Variants in KIAA0825 observed in about 807,000 individuals in gnomAD.
The protein encoded by KIAA0825 is uncharacterized protein KIAA0825.
A neutral mutation model predicts 147.6 loss-of-function variants in KIAA0825; 119 were observed. The ratio of observed to expected loss-of-function variants is 0.81; its 90% CI spans 0.69 to 0.94. The LOEUF (loss-of-function observed/expected upper bound fraction) is 0.94, where lower values mean the gene tolerates loss of function less well. Ranked by LOEUF, KIAA0825 falls within the 40% of genes least tolerant of loss-of-function variation. The pLI, the probability that KIAA0825 is intolerant of heterozygous loss-of-function variation, is 0.00. For missense variants in KIAA0825, 1,381 were observed against 1,472.7 expected, an observed-to-expected ratio of 0.94 and a Z score of 1.02; for synonymous variants, 470 against 518.1, an observed-to-expected ratio of 0.91 and a Z score of 1.26.
chr5:94,190,808 A>G (rs1219259352), intron 20 of KIAA0825, among the ~76,000 whole-genome samples: 1 of 152,096 alleles, frequency 6.6e-6, no homozygotes, highest in Non-Finnish European at 1.5e-5. Context: ...TGCAAAGTGA[A>G]GGATAGAACA....
rs867320328 is a variant in KIAA0825, at chr5:94,418,518, C to T, written c.2498-1153G>A. Among the ~76,000 whole-genome samples, 43 of 148,748 alleles carry T rather than the reference C, an allele frequency of 2.9e-4. 1 individual carries two copies. Among genetic ancestry groups the T allele is most frequent in the African/African-American group, 8.2e-4 (33 of 40,276 alleles). ...GATTATTTGGTTCAGGTGAAGCCGA[C>T]ACTATCATCTGGAGTGGGCACATAA... On this transcript the variant is annotated intron_variant, in intron 14 of 20. Transcript: ENST00000682413.
Position 94,537,097 on chromosome 5 carries a change from A to G in KIAA0825, c.30T>C (p.Asn10=), listed in dbSNP as rs573542911. The G allele has an allele frequency of 2.9e-5, 47 of 1,611,814 alleles. No individual in the cohort carries two copies. In the South Asian group the frequency reaches 3.6e-4, roughly 12 times the overall value. Residue 10 remains asparagine, a synonymous_variant, in exon 3 of 21, where the codon AAT becomes AAC. Transcript: ENST00000682413. The part of the protein sequence containing the change: MDWDDEYSH[N]SFDLHCLLNS... ...TTAACAAACAATGTAGGTCAAAAGAATTATGAGAATATTCATCATCCCAAT... is the reference window on the plus strand; with the variant it reads ...TTAACAAACAATGTAGGTCAAAAGAGTTATGAGAATATTCATCATCCCAAT...
At position 94,451,939 on chromosome 5, in the gene KIAA0825, G is replaced by A. The variant is rs889983558; in HGVS notation, c.2357+1020C>T. On this transcript the variant is annotated intron_variant, in intron 13 of 20. Coordinates refer to ENST00000682413, the MANE Select transcript of KIAA0825 (RefSeq NM_001145678.3). ...CTTTTGCAACAATGAGTATTAAGGA[G>A]TTGGCTATTTAATTCGTAATGAAAT... Among the ~76,000 whole-genome samples the A allele has an allele frequency of 2.0e-5, 3 of 152,190 alleles. No homozygotes were observed. In the South Asian group the frequency reaches 6.2e-4, roughly 31 times the overall value.
chr5:94,483,532 T>C (rs1762708584), intron 6 of KIAA0825, among the ~76,000 whole-genome samples: 1 of 151,844 alleles, frequency 6.6e-6, no homozygotes, highest in South Asian at 2.1e-4. Flanking sequence ...AAAGACGTTT[T>C]AAGGGTCCCA....
chr5:94,315,696 TATTA>T (rs1779593532), intron 20 of KIAA0825, among the ~76,000 whole-genome samples: 1 of 151,784 alleles, frequency 6.6e-6, no homozygotes, highest in Non-Finnish European at 1.5e-5. Flanking sequence ...ATTCCAGTTA[TATTA>T]ATTATTATTT....
intron 20 of KIAA0825, among the ~76,000 whole-genome samples, chr5:94,196,712 T>G (rs1030436889): frequency 1.3e-5 from 2 of 152,230 alleles, no homozygotes; most frequent in Admixed American, 6.5e-5. Context: ...AAATTAGAAC[T>G]TGCAGTATTT....
chr5:94,417,299 A>G lies in KIAA0825; in HGVS notation c.2564T>C (p.Ile855Thr). ...TGGAGAAAAACTGCAATGGTACAAT[A>G]TTTTAAAGATGGCTTCCATCAAGCT... is the stretch of plus-strand genomic sequence containing the variant. ...GPSLMEAIFK[I>T]LYHCSFSPQT... Residue 855 changes from isoleucine (I) to threonine (T), a missense_variant, in exon 15 of 21, where the codon ATA becomes ACA. By Grantham distance (89) the Ile-to-Thr change is moderately conservative. Transcript: ENST00000682413. 6.4e-7 allele frequency: 1 copy of G among 1,550,772 alleles called. No homozygotes were observed. The highest frequency in any genetic ancestry group is 8.7e-7 in the Non-Finnish European group (1 of 1,146,296).
At chr5:94,227,198 C>A (rs1774261092) in intron 20 of KIAA0825, among the ~76,000 whole-genome samples, 2 of 152,250 alleles carry the variant, frequency 1.3e-5, no homozygotes, top group Admixed American at 6.5e-5. Context: ...ACATATACAC[C>A]ATGGAATATT....
chr5:94,561,940 A>G (rs1777627935), intron 2 of KIAA0825, among the ~76,000 whole-genome samples: 1 of 152,196 alleles, frequency 6.6e-6, no homozygotes, highest in Non-Finnish European at 1.5e-5. Context: ...GAGTATTATT[A>G]AACAGAAAAA....
At chr5:94,589,841 T>A (rs73773686) in intron 1 of KIAA0825, among the ~76,000 whole-genome samples, 14 of 141,922 alleles carry the variant, frequency 9.9e-5, no homozygotes, top group East Asian at 4.1e-4. Flanking sequence ...TGTCTCACTT[T>A]AAAAAAAAAA....
chr5:94,384,696 T>C lies in KIAA0825; in HGVS notation c.3620-238A>G, dbSNP rs188025388. On this transcript the variant is annotated intron_variant, in intron 19 of 20. Transcript: ENST00000682413. ...ATTATTTATAAAAATATAAATCAAT[T>C]TATTGAGTCGTTATTCTTCCAAGTG... Among the ~76,000 whole-genome samples, 356 of 152,314 alleles carry C rather than the reference T, an allele frequency of 2.3e-3. 1 individual carries two copies. The highest frequency in any genetic ancestry group is 8.4e-3 in the African/African-American group (350 of 41,576).
At chr5:94,227,651 G>T (rs1427125429) in intron 20 of KIAA0825, among the ~76,000 whole-genome samples, 1 of 151,444 alleles carries the variant, frequency 6.6e-6, no homozygotes, top group African/African-American at 2.4e-5. Context: ...CCATAAAAAA[G>T]ATGAGTTCAT....
At chr5:94,398,231 T>C (rs1257035458) in intron 16 of KIAA0825, among the ~76,000 whole-genome samples, 1 of 152,172 alleles carries the variant, frequency 6.6e-6, no homozygotes, top group Non-Finnish European at 1.5e-5. Flanking sequence ...TGTCCAGCTC[T>C]TCTCCTGTAC....
intron 15 of KIAA0825, among the ~76,000 whole-genome samples, chr5:94,405,089 G>A (rs939542591): frequency 1.3e-5 from 2 of 152,178 alleles, no homozygotes; most frequent in African/African-American, 4.8e-5. Context: ...GGGGCTCAGT[G>A]AGGGTCCTAA....
intron 3 of KIAA0825, among the ~76,000 whole-genome samples, chr5:94,535,086 T>C (rs1771685187): frequency 2.0e-5 from 3 of 152,044 alleles, no homozygotes; most frequent in South Asian, 4.1e-4. Context: ...ACATATATAA[T>C]GTGTATATAT....
intron 5 of KIAA0825, among the ~76,000 whole-genome samples, chr5:94,508,327 C>A (rs1020593653): frequency 6.6e-6 from 1 of 151,984 alleles, no homozygotes; most frequent in Non-Finnish European, 1.5e-5. Flanking sequence ...TATAAAAAAT[C>A]ATCTTCATTA....
At chr5:94,449,352 C>T (rs552187333) in intron 13 of KIAA0825, among the ~76,000 whole-genome samples, 10 of 151,972 alleles carry the variant, frequency 6.6e-5, no homozygotes, top group South Asian at 2.1e-4. Context: ...CTTTTAAACA[C>T]GTTAAATGAT....
intron 14 of KIAA0825, among the ~76,000 whole-genome samples, chr5:94,430,190 G>A (rs1342851153): frequency 6.6e-6 from 1 of 152,184 alleles, no homozygotes; most frequent in Non-Finnish European, 1.5e-5. Flanking sequence ...AGAGTAGACA[G>A]TTCAGCCTGC....
Position 94,300,957 on chromosome 5 carries a change from CTTCT to C in KIAA0825, c.3710+83407_3710+83410del, listed in dbSNP as rs540832959. ...ACGGAGTGAGCTGAAGTTTGCTGGTCTTCTATATGGATAGGTTTTACTCGATACA... is the reference window on the plus strand; with the variant it reads ...ACGGAGTGAGCTGAAGTTTGCTGGTCATATGGATAGGTTTTACTCGATACA... On this transcript the variant is annotated intron_variant, in intron 20 of 20. Coordinates refer to ENST00000682413, the MANE Select transcript of KIAA0825 (RefSeq NM_001145678.3). Among the ~76,000 whole-genome samples the C allele has an allele frequency of 3.6e-3, 551 of 152,152 alleles. 1 individual carries two copies. The highest frequency in any genetic ancestry group is 5.2e-3 in the Non-Finnish European group (356 of 68,004).
Sources: allele counts gnomAD v4.1 joint callset (sites outside exome capture counted in the v4.1 genomes callset), GRCh38; gene constraint gnomAD v4.1.1; transcripts MANE v1.5; gene names NCBI Gene and HGNC (gene_info 2026-07-23, HGNC 2026-07-21).